Variants in GAD2 observed in about 807,000 individuals in gnomAD.
GAD2 encodes the protein 65 kDa glutamic acid decarboxylase.
A neutral mutation model predicts 80.1 loss-of-function variants in GAD2; 22 were observed. That is an observed-to-expected ratio of 0.27 (90% CI 0.20 to 0.39). The LOEUF (loss-of-function observed/expected upper bound fraction) is 0.39, where lower values mean the gene tolerates loss of function less well. GAD2 is among the 10% of genes least tolerant of loss of function. The pLI is 1.00. For synonymous variants in GAD2, 274 were observed against 256.9 expected, an observed-to-expected ratio of 1.07 and a Z score of -0.64; for missense variants, 624 against 738.4, an observed-to-expected ratio of 0.85 and a Z score of 1.80.
At chr10:26,218,172 C>A (rs1844405502) in intron 3 of GAD2, 181 bp downstream of exon 3, 1 of 610,722 alleles carries the variant, frequency 1.6e-6, no homozygotes, top group Non-Finnish European at 2.7e-6. Flanking sequence ...GGGTCCAAGC[C>A]CCCGAACCTG....
chr10:26,233,725 T>C (rs763021237), intron 7 of GAD2, among the ~76,000 whole-genome samples: 6 of 152,200 alleles, frequency 3.9e-5, no homozygotes, highest in Non-Finnish European at 5.9e-5. Context: ...AAAAAGAAAA[T>C]TACCAAGTCA....
At chr10:26,263,088 A>G (rs1377444527) in intron 8 of GAD2, among the ~76,000 whole-genome samples, 2 of 152,194 alleles carry the variant, frequency 1.3e-5, no homozygotes, top group Non-Finnish European at 2.9e-5. Context: ...TTGTATAGTC[A>G]TAGTATGTGT....
chr10:26,217,605 T>C lies in GAD2; in HGVS notation c.77-5T>C, dbSNP rs1191981440. 6.2e-7 allele frequency: 1 copy of C among 1,612,076 alleles called. No homozygotes were observed. The highest frequency in any genetic ancestry group is 1.7e-5 in the Admixed American group (1 of 59,796). On this transcript the variant is annotated splice_polypyrimidine_tract_variant and splice_region_variant and intron_variant, in intron 1 of 15. Transcript: ENST00000376261. This position sits in a 1 kb window ranked among gnomAD's most constrained non-coding sequence, Gnocchi z 4.9. Reference sequence around the variant, plus strand: ...CGCTGTCTGCCTGCCTATTCTTCCTTGCAGCGCGAGCCTGGTGCCAAGTGG... The same window carrying C: ...CGCTGTCTGCCTGCCTATTCTTCCTCGCAGCGCGAGCCTGGTGCCAAGTGG...
chr10:26,273,988 A>C (rs564415187), intron 11 of GAD2, among the ~76,000 whole-genome samples: 35 of 152,314 alleles, frequency 2.3e-4, no homozygotes, highest in Non-Finnish European at 3.8e-4. Flanking sequence ...TATTCCTGGG[A>C]TCTCTGAACC....
Position 26,245,908 on chromosome 10 carries a change from A to AT in GAD2, c.841-5dup, listed in dbSNP as rs762577520. 129 of 1,571,126 alleles carry AT rather than the reference A, an allele frequency of 8.2e-5. No individual in the cohort carries two copies. The highest frequency in any genetic ancestry group is 3.4e-4 in the Middle Eastern group (2 of 5,954). ...TATGGAACTAATTGCAAATATATAT[A>AT]TTTTTTTTACAGAGTCATTTTTCTC... On this transcript the variant is annotated splice_polypyrimidine_tract_variant and intron_variant, in intron 7 of 15. Coordinates refer to ENST00000376261, the MANE Select transcript of GAD2 (RefSeq NM_001134366.2).
intron 12 of GAD2, among the ~76,000 whole-genome samples, chr10:26,281,336 C>G (rs1230071293): frequency 6.6e-6 from 1 of 152,098 alleles, no homozygotes; most frequent in Admixed American, 6.5e-5. Context: ...CAGTATGATA[C>G]CCCTTTCCTC....
At chr10:26,244,905 A>C (rs896114888) in intron 7 of GAD2, among the ~76,000 whole-genome samples, 6 of 152,210 alleles carry the variant, frequency 3.9e-5, no homozygotes, top group Admixed American at 3.9e-4. Flanking sequence ...TAATCCCAGC[A>C]CTTTGGGAGG....
At chr10:26,222,192 T>C (rs1167422599) in intron 4 of GAD2, among the ~76,000 whole-genome samples, 2 of 152,142 alleles carry the variant, frequency 1.3e-5, no homozygotes, top group African/African-American at 4.8e-5. Flanking sequence ...GCGTCAAACC[T>C]GTTTTCACTG....
intron 13 of GAD2, among the ~76,000 whole-genome samples, chr10:26,289,171 A>C (rs1296516034): frequency 1.3e-5 from 2 of 152,170 alleles, no homozygotes; most frequent in Non-Finnish European, 2.9e-5. Context: ...GTACTCTCAC[A>C]GCAAAGCTCT....
intron 4 of GAD2, among the ~76,000 whole-genome samples, chr10:26,219,695 G>T (rs1351659226): frequency 6.6e-6 from 1 of 152,176 alleles, no homozygotes; most frequent in Non-Finnish European, 1.5e-5. Context: ...ATTTTCTTTG[G>T]CATAAAACTG....
At chr10:26,236,725 G>A (rs1038774280) in intron 7 of GAD2, among the ~76,000 whole-genome samples, 4 of 152,220 alleles carry the variant, frequency 2.6e-5, no homozygotes, top group African/African-American at 9.6e-5. Context: ...TTTGGAAACA[G>A]ATGACTTCCA....
At chr10:26,271,407 G>A (rs148046697) in intron 10 of GAD2, among the ~76,000 whole-genome samples, 22 of 152,296 alleles carry the variant, frequency 1.4e-4, no homozygotes, top group African/African-American at 4.8e-4. Context: ...TAGAAGGACC[G>A]AAGGGATTTA....
chr10:26,238,471 G>T (rs1237950453), intron 7 of GAD2, among the ~76,000 whole-genome samples: 1 of 152,182 alleles, frequency 6.6e-6, no homozygotes, highest in Admixed American at 6.5e-5. Context: ...GTTCACATTT[G>T]TCACTGAAGA....
At position 26,300,945 on chromosome 10, in the gene GAD2, T is replaced by G. The variant is rs1475511495; in HGVS notation, c.1742T>G (p.Leu581Arg). The G allele has an allele frequency of 6.2e-7, 1 of 1,613,606 alleles. No homozygotes were observed. Among genetic ancestry groups the G allele is most frequent in the African/African-American group, 1.3e-5 (1 of 74,896 alleles). The change falls in exon 16 of 16, where the codon CTT becomes CGT. Residue 581 changes from leucine to arginine, a missense_variant. Transcript: ENST00000376261. ...IDFLIEEIER[L>R]GQDL is the part of the protein sequence containing the mutation. The stretch of plus-strand genomic sequence containing the variant: ...TTCCTGATTGAAGAAATAGAACGCC[T>G]TGGACAAGATTTATAATAACCTTGC...
Position 26,251,061 on chromosome 10 carries a change from T to A in GAD2, c.920+5061T>A, listed in dbSNP as rs1229425305. ...TGCCCGGCATTTTTTTTTTGCTTTT[T>A]TTTTTTTTTTTGTATTTTTTAGTAG... On this transcript the variant is annotated intron_variant, in intron 8 of 15. Transcript: ENST00000376261. Among the ~76,000 whole-genome samples the A allele has an allele frequency of 4.0e-5, 6 of 149,574 alleles. No individual in the cohort carries two copies. The East Asian group carries it at 1.2e-3, about 29-fold the overall frequency.
At position 26,303,517 on chromosome 10, in the gene GAD2, A is replaced by AGGG. The variant is rs1834351152; in HGVS notation, c.*2556_*2557insGGG. Reference sequence around the variant, plus strand: ...GAAGGGAGGGAGGGAGGGAGGAAAGAAGGGAGATTATTTTTAATATTAGCC... The same window carrying AGGG: ...GAAGGGAGGGAGGGAGGGAGGAAAGAGGGAGGGAGATTATTTTTAATATTAGCC... On this transcript the variant is annotated 3_prime_UTR_variant, in exon 16 of 16. Coordinates refer to ENST00000376261, the MANE Select transcript of GAD2 (RefSeq NM_001134366.2). The AGGG allele has an allele frequency of 7.1e-6, 1 of 141,714 alleles. No individual in the cohort carries two copies. The highest frequency in any genetic ancestry group is 1.6e-5 in the Non-Finnish European group (1 of 61,876). The allele number at this position is 141,714 out of a possible 1,614,324, so 8.8% of individuals were successfully genotyped here.
At chr10:26,228,853 G>T (rs117723385) in intron 6 of GAD2, among the ~76,000 whole-genome samples, 9 of 151,506 alleles carry the variant, frequency 5.9e-5, no homozygotes, top group Non-Finnish European at 1.3e-4. Flanking sequence ...TCCACGAAAC[G>T]CATCACTGCT....
intron 8 of GAD2, among the ~76,000 whole-genome samples, chr10:26,249,786 ACT>A (rs901586317): frequency 1.3e-5 from 2 of 152,172 alleles, no homozygotes; most frequent in African/African-American, 4.8e-5. Context: ...TAAAGGCAAC[ACT>A]CTGCTCACAA....
rs987030977 is a variant in GAD2, at chr10:26,293,172, C to CTTTTTT, written c.1584+199_1584+204dup. The stretch of plus-strand genomic sequence containing the variant: ...CCTGATATATGCAGACATTTTTCTT[C>CTTTTTT]TTTTTTTTTTTTTTTTTTTTTTTGA... On this transcript the variant is annotated intron_variant, in intron 15 of 15. Coordinates refer to ENST00000376261, the MANE Select transcript of GAD2 (RefSeq NM_001134366.2). 5.6e-4 allele frequency among the ~76,000 whole-genome samples: 54 copies of CTTTTTT among 96,420 alleles called. 1 individual carries two copies. Among genetic ancestry groups the CTTTTTT allele is most frequent in the African/African-American group, 1.0e-3 (25 of 23,830 alleles). 63.3% of individuals were successfully genotyped at this position (96,420 alleles called of 152,430 possible).
Sources: gnomAD v4.1 joint callset for allele counts (sites outside exome capture counted in the v4.1 genomes callset) on GRCh38, gnomAD v4.1.1 for gene constraint, Gnocchi (gnomAD v3.1) non-coding constraint, MANE v1.5 for transcripts, NCBI Gene and HGNC (gene_info 2026-07-23, HGNC 2026-07-21) for gene names.